TOP1MT: variants seen among roughly 807,000 people sequenced by gnomAD.
The protein encoded by TOP1MT is DNA topoisomerase I, mitochondrial.
In TOP1MT, 80 loss-of-function variants were observed where a neutral mutation model predicts 73.9. The ratio of observed to expected loss-of-function variants is 1.08; its 90% CI spans 0.90 to 1.30. The LOEUF is 1.30. TOP1MT is among the 50% of genes most tolerant of loss of function. The pLI is 0.00. For missense variants in TOP1MT, 815 were observed against 808.0 expected, an observed-to-expected ratio of 1.01 and a Z score of -0.10; for synonymous variants, 338 against 326.4, an observed-to-expected ratio of 1.04 and a Z score of -0.38.
chr8:143,359,658 G>C (rs1256101800), upstream of TOP1MT, among the ~76,000 whole-genome samples: 1 of 151,990 alleles, frequency 6.6e-6, no homozygotes. Context: ...GAAACACTGA[G>C]GGGTGAAGCA....
chr8:143,339,019 T>G (rs1056864839), upstream of TOP1MT, among the ~76,000 whole-genome samples: 4 of 152,054 alleles, frequency 2.6e-5, no homozygotes, highest in African/African-American at 9.7e-5. Context: ...TTTAAAGAAT[T>G]TCCCCAGAAT....
At position 143,332,752 on chromosome 8, in the gene TOP1MT, G is replaced by A; in HGVS notation, c.123-1413C>T. The A allele has an allele frequency of 7.6e-6, 3 of 396,824 alleles. 1 individual carries two copies. Among genetic ancestry groups the A allele is most frequent in the South Asian group, 5.8e-5 (3 of 51,550 alleles). The allele number at this position is 396,824 out of a possible 1,614,324, so 24.6% of individuals were successfully genotyped here. On this transcript the variant is annotated intron_variant, in intron 1 of 13. Transcript: ENST00000329245. ...GGGCTCAAGAACCTTCCAGGGTGGA[G>A]CCGGGCGTGGTGGCTCACGCCTGTG... is the stretch of plus-strand genomic sequence containing the variant.
At chr8:143,336,118 C>T (rs1043254776), upstream of TOP1MT, among the ~76,000 whole-genome samples, 1 of 152,382 alleles carries the variant, frequency 6.6e-6, no homozygotes, top group Admixed American at 6.5e-5. Context: ...CAACGGAATC[C>T]TGAGGTCAAT....
chr8:143,355,362 A>G (rs2130479417), intron 1 of TOP1MT: 1 of 152,362 alleles, frequency 6.6e-6, no homozygotes, highest in Non-Finnish European at 1.5e-5. Context: ...GCAGCCTGCC[A>G]TCAAGCCACG....
At position 143,321,354 on chromosome 8, in the gene TOP1MT, G is replaced by C. The variant is rs373227367; in HGVS notation, c.993C>G (p.Asp331Glu). 5 of 1,595,432 alleles carry C rather than the reference G, an allele frequency of 3.1e-6. No individual in the cohort carries two copies. The South Asian group carries it at 5.5e-5, about 18-fold the overall frequency. Residue 331 changes from aspartate to glutamate, a missense_variant, in exon 8 of 14, where the codon GAC (aspartate) becomes GAG (glutamate). Physicochemically the swap from Asp to Glu is conservative, Grantham distance 45 (BLOSUM62 2). Transcript: ENST00000329245. ...LALRAGNEKE[D>E]GEAADTVGCC... ...AGCCCACGGTGTCGGCCGCCTCACCGTCCTCCTTCTCATTTCCTGCTCTCA... is the reference window on the plus strand; with the variant it reads ...AGCCCACGGTGTCGGCCGCCTCACCCTCCTCCTTCTCATTTCCTGCTCTCA...
intron 3 of TOP1MT, chr8:143,327,857 A>G (rs900189417): frequency 1.9e-5 from 7 of 359,642 alleles, no homozygotes; most frequent in Admixed American, 1.2e-4. Flanking sequence ...CCCACATGCA[A>G]CACACGAGCC....
rs915881958 is a variant in TOP1MT, at chr8:143,341,779, G to A, written c.29+1441C>T. Among the ~76,000 whole-genome samples, 4 of 152,146 alleles carry A rather than the reference G, an allele frequency of 2.6e-5. No individual in the cohort carries two copies. The highest frequency in any genetic ancestry group is 2.6e-4 in the Admixed American group (4 of 15,268). On this transcript the variant is annotated intron_variant, in intron 2 of 5. Coordinates refer to the TOP1MT transcript ENST00000518007. This position sits in a 1 kb window ranked among gnomAD's most constrained non-coding sequence, Gnocchi z 4.1. ...AAAACACCAGAAAGGGAAGGTCACA[G>A]AGCACTATCCCGACACCACTGCCCC...
Position 143,321,492 on chromosome 8 carries a change from ACACG to A in TOP1MT, c.961-110_961-107del, listed in dbSNP as rs543125079. 2.0e-4 allele frequency: 62 copies of A among 308,790 alleles called. 1 individual carries two copies. The highest frequency in any genetic ancestry group is 1.7e-3 in the South Asian group (17 of 9,786). 19.1% of individuals were successfully genotyped at this position (308,790 alleles called of 1,614,324 possible). ...CACACGCACGCCACACGCACGCCAC[ACACG>A]CACGCCACACACACGCACTCCACAC... On this transcript the variant is annotated intron_variant, in intron 7 of 13. Coordinates refer to ENST00000329245, the MANE Select transcript of TOP1MT (RefSeq NM_052963.3).
intron 8 of TOP1MT, among the ~76,000 whole-genome samples, chr8:143,319,658 C>A (rs1156777183): frequency 1.3e-5 from 2 of 152,110 alleles, no homozygotes; most frequent in African/African-American, 4.8e-5. Flanking sequence ...CCCGACCACA[C>A]TCATCCCTCT....
Position 143,310,222 on chromosome 8 carries a change from CAAGAGA to C in TOP1MT, c.1554-11_1554-6del, listed in dbSNP as rs1815973240. 2 of 1,544,802 alleles carry C rather than the reference CAAGAGA, an allele frequency of 1.3e-6. No individual in the cohort carries two copies. Among genetic ancestry groups the C allele is most frequent in the African/African-American group, 2.7e-5 (2 of 72,844 alleles). ...CGCCTCTTCTTCTCCAGGACACTGG[CAAGAGA>C]AGAGGAGGCCGCGAGGCCCCGCGCT... On this transcript the variant is annotated splice_polypyrimidine_tract_variant and splice_region_variant and intron_variant, in intron 12 of 13. Transcript: ENST00000329245.
chr8:143,348,473 C>T (rs2467941), upstream of TOP1MT, among the ~76,000 whole-genome samples: 16,989 of 152,156 alleles, frequency 0.11, 3,229 homozygotes, highest in African/African-American at 0.39. The surrounding 1 kb of genome is among the most constrained non-coding windows in gnomAD (Gnocchi z 4.6). Context: ...CCGACCTCCC[C>T]CACAAGCCCA....
intron 13 of TOP1MT, 155 bp from the exon 14 acceptor site, chr8:143,309,698 C>G: frequency 6.6e-7 from 1 of 1,515,506 alleles, no homozygotes; most frequent in Non-Finnish European, 8.8e-7. Flanking sequence ...AACCCCACCC[C>G]ACGCATGCCG....
upstream of TOP1MT, among the ~76,000 whole-genome samples, chr8:143,357,016 C>T (rs1390969812): frequency 1.3e-5 from 2 of 150,860 alleles, no homozygotes; most frequent in African/African-American, 2.4e-5. Context: ...ATGGTATGAA[C>T]CCGAGAGGCA....
At chr8:143,347,061 T>G (rs908687391), upstream of TOP1MT, among the ~76,000 whole-genome samples, 48 of 152,034 alleles carry the variant, frequency 3.2e-4, no homozygotes, top group African/African-American at 1.0e-3. Flanking sequence ...CTTGGCTCAC[T>G]GCAACCTCCG....
At chr8:143,321,640 G>T (rs1291257808) in intron 7 of TOP1MT, among the ~76,000 whole-genome samples, 1 of 58,426 alleles carries the variant, frequency 1.7e-5, no homozygotes, top group African/African-American at 5.8e-5. Context: ...ACACAGGCAC[G>T]CCACACACAG....
At chr8:143,314,130 A>G (rs1816088007) in intron 12 of TOP1MT, among the ~76,000 whole-genome samples, 1 of 151,904 alleles carries the variant, frequency 6.6e-6, no homozygotes, top group African/African-American at 2.4e-5. Flanking sequence ...GCCCTCACAC[A>G]CTGCTGGTGG....
chr8:143,327,799 G>A lies in TOP1MT; in HGVS notation c.361-1455C>T, dbSNP rs374237988. The A allele has an allele frequency of 5.2e-5, 22 of 423,434 alleles. No individual in the cohort carries two copies. The East Asian group carries it at 9.8e-4, about 19-fold the overall frequency. The allele number at this position is 423,434 out of a possible 1,614,324, so 26.2% of individuals were successfully genotyped here. ...GGGTCCAGAAGCGGAGCCTGCACAG[G>A]GGACAAGGAAGCACAGGCTCCAGCA... On this transcript the variant is annotated intron_variant, in intron 3 of 13. Coordinates refer to ENST00000329245, the MANE Select transcript of TOP1MT (RefSeq NM_052963.3).
At chr8:143,324,660 T>G (rs1156285159) in intron 5 of TOP1MT, 31 bp from the exon 6 acceptor site, 1 of 1,607,930 alleles carries the variant, frequency 6.2e-7, no homozygotes, top group Non-Finnish European at 8.5e-7. Flanking sequence ...AAACATAACT[T>G]GGAGACCTTA....
chr8:143,328,180 C>G, intron 3 of TOP1MT: 1 of 450,758 alleles, frequency 2.2e-6, no homozygotes, highest in South Asian at 1.6e-5. Flanking sequence ...AAACAGGACA[C>G]AAAAGTACTC....
Sources: allele counts gnomAD v4.1 joint callset (sites outside exome capture counted in the v4.1 genomes callset), GRCh38; gene constraint gnomAD v4.1.1; non-coding constraint Gnocchi (gnomAD v3.1); transcripts MANE v1.5; gene names NCBI Gene and HGNC (gene_info 2026-07-23, HGNC 2026-07-21).